Variants in GPC5 observed in about 807,000 individuals in gnomAD.
GPC5 encodes glypican 5.
In GPC5, 47 loss-of-function variants were observed where a neutral mutation model predicts 53.9. The observed-to-expected ratio is 0.87, with a 90% CI of 0.69 to 1.11. The LOEUF (loss-of-function observed/expected upper bound fraction) is 1.11. GPC5 is among the 50% of genes most tolerant of loss of function. The probability of loss-of-function intolerance (pLI) is 0.00; values close to 1 mark genes in which losing one functional copy is unlikely to be tolerated. For missense variants in GPC5, 748 were observed against 713.1 expected (o/e 1.05, Z -0.56); for synonymous variants, 286 against 263.3 (o/e 1.09, Z -0.84).
At chr13:92,110,434 T>C (rs9560923) in intron 6 of GPC5, among the ~76,000 whole-genome samples, 66,662 of 151,956 alleles carry the variant, frequency 0.44, 14,921 homozygotes, top group Admixed American at 0.49. Flanking sequence ...CCATGAATTA[T>C]TCTATCATGG....
chr13:92,258,951 A>G (rs549616027), intron 7 of GPC5, among the ~76,000 whole-genome samples: 5 of 152,282 alleles, frequency 3.3e-5, no homozygotes, highest in African/African-American at 1.2e-4. Context: ...TGTCTCTAAA[A>G]CAAAATGTAA....
At chr13:91,756,568 A>T (rs1463229670) in intron 5 of GPC5, 148 bp downstream of exon 5, 14 of 606,236 alleles carry the variant, frequency 2.3e-5, no homozygotes, top group Non-Finnish European at 3.1e-5. Flanking sequence ...AAAAACAAGG[A>T]AAAGAACAAC....
At chr13:91,621,798 G>GGAGTTTATTAGGAGAATTGAC in intron 2 of GPC5, among the ~76,000 whole-genome samples, 1 of 87,494 alleles carries the variant, frequency 1.1e-5, no homozygotes, top group African/African-American at 5.7e-5. Flanking sequence ...TATATGAAGG[G>GGAGTTTATTAGGAGAATTGAC]GAGTTTATTA....
chr13:92,501,139 T>C (rs1193469073), intron 7 of GPC5, among the ~76,000 whole-genome samples: 1 of 152,058 alleles, frequency 6.6e-6, no homozygotes, highest in Non-Finnish European at 1.5e-5. Context: ...ATAAAATAAA[T>C]GCCTCTATTG....
At chr13:92,437,689 A>G (rs1477196162) in intron 7 of GPC5, among the ~76,000 whole-genome samples, 1 of 151,964 alleles carries the variant, frequency 6.6e-6, no homozygotes, top group Non-Finnish European at 1.5e-5. Context: ...TTATTATCTC[A>G]TAGTTCTTAG....
At chr13:92,296,119 G>C (rs1243113096) in intron 7 of GPC5, among the ~76,000 whole-genome samples, 8 of 152,166 alleles carry the variant, frequency 5.3e-5, no homozygotes, top group Non-Finnish European at 2.9e-5. Context: ...AAGACCTACT[G>C]TCTGTAGGTC....
chr13:92,476,901 G>A (rs1426481056), intron 7 of GPC5, among the ~76,000 whole-genome samples: 1 of 115,536 alleles, frequency 8.7e-6, no homozygotes, highest in Non-Finnish European at 1.7e-5. Context: ...TTGTGGGGTG[G>A]GGGGAGGGGG....
At chr13:92,433,413 A>T (rs1877177734) in intron 7 of GPC5, among the ~76,000 whole-genome samples, 1 of 152,204 alleles carries the variant, frequency 6.6e-6, no homozygotes, top group South Asian at 2.1e-4. Context: ...GAAGGTTCTA[A>T]TGAGATGTGA....
At chr13:92,777,028 A>G (rs1360292212) in intron 7 of GPC5, among the ~76,000 whole-genome samples, 1 of 148,660 alleles carries the variant, frequency 6.7e-6, no homozygotes, top group Admixed American at 6.7e-5. Flanking sequence ...GCCTCAAAAA[A>G]AAAAAAAAAA....
intron 6 of GPC5, among the ~76,000 whole-genome samples, chr13:92,093,527 GTTATTC>G (rs1298933197): frequency 6.6e-6 from 1 of 151,558 alleles, no homozygotes; most frequent in East Asian, 2.0e-4. Flanking sequence ...ATGTTATCAA[GTTATTC>G]TTAGTTTTAC....
intron 7 of GPC5, among the ~76,000 whole-genome samples, chr13:92,606,338 T>C (rs7987052): frequency 0.35 from 52,809 of 151,986 alleles, 11,496 homozygotes; most frequent in East Asian, 0.73. Context: ...CCATGTGGTG[T>C]TTGGTTTTCT....
intron 7 of GPC5, among the ~76,000 whole-genome samples, chr13:92,655,264 T>C (rs1886088562): frequency 6.6e-6 from 1 of 152,154 alleles, no homozygotes; most frequent in African/African-American, 2.4e-5. Flanking sequence ...GCAAACATTT[T>C]TTGTAATATT....
chr13:91,401,006 T>C (rs1876909050), intron 1 of GPC5, among the ~76,000 whole-genome samples: 2 of 152,188 alleles, frequency 1.3e-5, no homozygotes, highest in Admixed American at 1.3e-4. Flanking sequence ...GCTAGTAGAT[T>C]TTTTAAATCT....
At chr13:92,181,790 C>A (rs928032535) in intron 7 of GPC5, among the ~76,000 whole-genome samples, 9 of 152,032 alleles carry the variant, frequency 5.9e-5, no homozygotes, top group Non-Finnish European at 1.0e-4. Context: ...CAGAAGAAAG[C>A]AAAATGGTGA....
chr13:91,466,222 G>T (rs947962850), intron 2 of GPC5, among the ~76,000 whole-genome samples: 2 of 152,118 alleles, frequency 1.3e-5, no homozygotes, highest in Non-Finnish European at 1.5e-5. Context: ...GAAAATTAGC[G>T]TAAAAGTGCT....
chr13:91,917,256 G>A lies in GPC5; in HGVS notation c.1401+9199G>A, dbSNP rs1225128202. Among the ~76,000 whole-genome samples the A allele has an allele frequency of 3.3e-5, 5 of 152,162 alleles. No individual in the cohort carries two copies. The East Asian group carries it at 9.6e-4, about 29-fold the overall frequency. On this transcript the variant is annotated intron_variant, in intron 6 of 7. Transcript: ENST00000377067. Reference sequence around the variant, plus strand: ...CCATGCAAGTCTGAAATCCAATAGGGCAGTTATTAAACCTTAAAGTTCCCA... The same window carrying A: ...CCATGCAAGTCTGAAATCCAATAGGACAGTTATTAAACCTTAAAGTTCCCA...
chr13:91,441,942 C>A, intron 1 of GPC5, among the ~76,000 whole-genome samples: 1 of 152,056 alleles, frequency 6.6e-6, no homozygotes, highest in Non-Finnish European at 1.5e-5. Context: ...TGTATTGGTA[C>A]CAAAGACTCT....
At chr13:92,463,349 T>C (rs1445051958) in intron 7 of GPC5, among the ~76,000 whole-genome samples, 2 of 152,214 alleles carry the variant, frequency 1.3e-5, no homozygotes, top group Non-Finnish European at 2.9e-5. Context: ...TCCAACTGCC[T>C]GATCTGTCAC....
chr13:92,585,772 C>G (rs1883518581), intron 7 of GPC5, among the ~76,000 whole-genome samples: 1 of 152,104 alleles, frequency 6.6e-6, no homozygotes, highest in Non-Finnish European at 1.5e-5. Flanking sequence ...TCAGGTCTTT[C>G]CTGTGCTGTT....
Sources: gnomAD v4.1 joint callset for allele counts (sites outside exome capture counted in the v4.1 genomes callset) on GRCh38, gnomAD v4.1.1 for gene constraint, MANE v1.5 for transcripts, NCBI Gene and HGNC (gene_info 2026-07-23, HGNC 2026-07-21) for gene names.